The following PCDHA13 variants were observed in gnomAD, a reference collection of about 807,000 sequenced individuals.
PCDHA13 encodes the protein protocadherin alpha 13, also known as protocadherin alpha-13.
Under a neutral mutation model 64.8 loss-of-function variants are expected in PCDHA13, and 54 were observed. That is an observed-to-expected ratio of 0.83 (90% CI 0.67 to 1.04). The LOEUF (loss-of-function observed/expected upper bound fraction) is 1.04. PCDHA13 is among the 50% of genes least tolerant of loss of function. The pLI is 0.00. For missense variants in PCDHA13, 1,248 were observed against 1,254.3 expected, an observed-to-expected ratio of 0.99 and a Z score of 0.08; for synonymous variants, 587 against 564.4, an observed-to-expected ratio of 1.04 and a Z score of -0.57.
At chr5:140,952,476 G>A (rs1231361903) in intron 1 of PCDHA13, among the ~76,000 whole-genome samples, 1 of 152,148 alleles carries the variant, frequency 6.6e-6, no homozygotes, top group East Asian at 1.9e-4. Context: ...TAAGGAAAGT[G>A]ACATTTGCTC....
At chr5:140,912,200 T>C (rs191284675) in intron 1 of PCDHA13, among the ~76,000 whole-genome samples, 123 of 152,280 alleles carry the variant, frequency 8.1e-4, no homozygotes, top group African/African-American at 2.8e-3. Flanking sequence ...CCCACCCAGA[T>C]TGAGGGTAGA....
chr5:140,967,006 C>G, intron 1 of PCDHA13: 1 of 1,605,750 alleles, frequency 6.2e-7, no homozygotes, highest in Non-Finnish European at 8.5e-7. Flanking sequence ...TGCGCATCAA[C>G]CATCTGGGTG....
At chr5:140,961,458 G>A (rs1371131275) in intron 1 of PCDHA13, among the ~76,000 whole-genome samples, 2 of 152,150 alleles carry the variant, frequency 1.3e-5, no homozygotes, top group Non-Finnish European at 2.9e-5. Context: ...TCTTGCAGCT[G>A]CCTTTCTTTT....
At chr5:140,944,596 G>A (rs2093672992) in intron 1 of PCDHA13, among the ~76,000 whole-genome samples, 1 of 152,138 alleles carries the variant, frequency 6.6e-6, no homozygotes, top group Admixed American at 6.5e-5. Context: ...ATTTCCCTGG[G>A]TAGAGTAGTG....
chr5:140,904,486 C>G (rs1396927518), intron 1 of PCDHA13, among the ~76,000 whole-genome samples: 2 of 151,508 alleles, frequency 1.3e-5, no homozygotes, highest in African/African-American at 2.4e-5. Context: ...TGGTCTGATT[C>G]CAAATTTTTA....
rs140727388 is a variant in PCDHA13, at chr5:140,974,245, C to G, written c.2395-4704C>G. Among the ~76,000 whole-genome samples, 191 of 152,268 alleles carry G rather than the reference C, an allele frequency of 1.3e-3. 1 individual carries two copies. The highest frequency in any genetic ancestry group is 4.3e-3 in the African/African-American group (179 of 41,572). Reference sequence around the variant, plus strand: ...ATCTTAGTTCCTTGGCATATAAGCACCATCAGTTCCTTTCTGGCCTTCCAG... The same window carrying G: ...ATCTTAGTTCCTTGGCATATAAGCAGCATCAGTTCCTTTCTGGCCTTCCAG... On this transcript the variant is annotated intron_variant, in intron 1 of 3. Transcript: ENST00000289272.
At chr5:140,974,614 C>T (rs757071183) in intron 1 of PCDHA13, among the ~76,000 whole-genome samples, 3 of 152,070 alleles carry the variant, frequency 2.0e-5, no homozygotes, top group East Asian at 1.9e-4. Context: ...AGGGTTCAAG[C>T]GATTCTCCTG....
In PCDHA13 at chr5:140,884,192, G is replaced by A; in HGVS notation, c.1924G>A (p.Ala642Thr). The change falls in exon 1 of 4, where the codon GCG becomes ACG. Residue 642 changes from alanine to threonine, a missense_variant. Transcript: ENST00000289272. The part of the protein sequence containing the change: ...STTRPLDEVD[A>T]PHHRLLVLVK... ...GACGCGCCCTCTGGACGAGGTGGACGCGCCGCACCACCGCCTTCTGGTGCT... is the reference window on the plus strand; with the variant it reads ...GACGCGCCCTCTGGACGAGGTGGACACGCCGCACCACCGCCTTCTGGTGCT... The A allele has an allele frequency of 6.2e-7, 1 of 1,613,428 alleles. No homozygotes were observed. The highest frequency in any genetic ancestry group is 8.5e-7 in the Non-Finnish European group (1 of 1,179,746).
At chr5:140,953,331 A>G (rs2153698892) in intron 1 of PCDHA13, among the ~76,000 whole-genome samples, 1 of 152,248 alleles carries the variant, frequency 6.6e-6, no homozygotes, top group South Asian at 2.1e-4. Flanking sequence ...CATAGAATTT[A>G]GGGCTCACCT....
rs150518215 is a variant in PCDHA13, at chr5:140,883,444, T to G, written c.1176T>G (p.His392Gln). The change falls in exon 1 of 4, where the codon CAT becomes CAG. Residue 392 changes from histidine to glutamine, a missense_variant. Transcript: ENST00000289272. ...AGGTCACCTGCACCTTGACGCCGCATGTCCCCTTCAAGCTGGTGTCCACCT... is the reference window on the plus strand; with the variant it reads ...AGGTCACCTGCACCTTGACGCCGCAGGTCCCCTTCAAGCTGGTGTCCACCT... ...NGQVTCTLTP[H>Q]VPFKLVSTYK... The G allele has an allele frequency of 2.5e-6, 4 of 1,614,052 alleles. No individual in the cohort carries two copies. In the African/African-American group the frequency reaches 4.0e-5, roughly 16 times the overall value.
At chr5:140,986,862 G>A (rs1441287999) in intron 3 of PCDHA13, among the ~76,000 whole-genome samples, 2 of 152,068 alleles carry the variant, frequency 1.3e-5, no homozygotes, top group East Asian at 1.9e-4. Flanking sequence ...AACAATACCC[G>A]GAAACTTGTT....
chr5:140,937,544 G>A (rs1584916814), intron 1 of PCDHA13, among the ~76,000 whole-genome samples: 1 of 151,510 alleles, frequency 6.6e-6, no homozygotes, highest in South Asian at 2.1e-4. Flanking sequence ...TTGAACCTGC[G>A]AGGCAGAGGT....
intron 1 of PCDHA13, chr5:140,969,368 G>A: frequency 6.2e-7 from 1 of 1,608,874 alleles, no homozygotes; most frequent in Non-Finnish European, 8.5e-7. Flanking sequence ...ACAAACTCAT[G>A]CATTTGTTAC....
intron 1 of PCDHA13, among the ~76,000 whole-genome samples, chr5:140,911,609 C>T (rs1554194830): frequency 6.6e-6 from 1 of 152,170 alleles, no homozygotes; most frequent in Non-Finnish European, 1.5e-5. Flanking sequence ...TCATTATGTT[C>T]CTTAGTTCCC....
At chr5:140,889,645 A>AG (rs1314365000) in intron 1 of PCDHA13, among the ~76,000 whole-genome samples, 1 of 152,040 alleles carries the variant, frequency 6.6e-6, no homozygotes, top group African/African-American at 2.4e-5. Context: ...TTGTGTTTGC[A>AG]GGAGATGTCC....
chr5:140,969,028 A>G (rs1554231371), intron 1 of PCDHA13: 1 of 1,614,208 alleles, frequency 6.2e-7, no homozygotes, highest in Non-Finnish European at 8.5e-7. Context: ...GGTCCCCTGC[A>G]GAACTGTACA....
At chr5:140,967,029 G>T in intron 1 of PCDHA13, 1 of 1,609,056 alleles carries the variant, frequency 6.2e-7, no homozygotes, top group Non-Finnish European at 8.5e-7. Context: ...CCCAGTCCGC[G>T]CTACCTGGAG....
chr5:140,979,961 C>G (rs1554241296), intron 2 of PCDHA13, among the ~76,000 whole-genome samples: 1 of 152,054 alleles, frequency 6.6e-6, no homozygotes, highest in Non-Finnish European at 1.5e-5. Context: ...TAGTTTTAGC[C>G]CATTAAAATG....
At chr5:140,928,760 T>G (rs782568767) in intron 1 of PCDHA13, 6 of 1,614,060 alleles carry the variant, frequency 3.7e-6, no homozygotes, top group Non-Finnish European at 5.1e-6. Flanking sequence ...ACTGCTCGCT[T>G]AGTTCTTCCC....
Sources: allele counts gnomAD v4.1 joint callset (sites outside exome capture counted in the v4.1 genomes callset), GRCh38; gene constraint gnomAD v4.1.1; transcripts MANE v1.5; gene names NCBI Gene and HGNC (gene_info 2026-07-23, HGNC 2026-07-21).